Variants in C7 observed in about 807,000 individuals in gnomAD.
C7 encodes the protein complement component C7.
A neutral mutation model predicts 104.8 loss-of-function variants in C7; 83 were observed. The observed-to-expected ratio is 0.79, with a 90% CI of 0.66 to 0.95. C7 has a LOEUF of 0.95. Ranked by LOEUF, C7 falls within the 40% of genes least tolerant of loss-of-function variation. The pLI, the probability that C7 is intolerant of heterozygous loss-of-function variation, is 0.00. For synonymous variants in C7, 415 were observed against 360.6 expected (o/e 1.15, Z -1.71); for missense variants, 1,070 against 1,011.2 (o/e 1.06, Z -0.79).
intron 16 of C7, among the ~76,000 whole-genome samples, chr5:40,978,038 G>A (rs1266628575): frequency 6.6e-6 from 1 of 151,826 alleles, no homozygotes; most frequent in Non-Finnish European, 1.5e-5. Flanking sequence ...GGAGACTGAG[G>A]TGGGAGGATT....
chr5:40,930,863 C>T (rs1739667521), intron 2 of C7, among the ~76,000 whole-genome samples: 1 of 152,006 alleles, frequency 6.6e-6, no homozygotes, highest in African/African-American at 2.4e-5. Flanking sequence ...ACTGTGCCAG[C>T]ATAATAGATG....
At chr5:40,953,022 T>C (rs940747032) in intron 9 of C7, among the ~76,000 whole-genome samples, 2 of 152,150 alleles carry the variant, frequency 1.3e-5, no homozygotes, top group South Asian at 2.1e-4. Context: ...CTCCTGTAGG[T>C]CTTGGTGGGG....
chr5:40,911,825 G>A (rs773990671), intron 1 of C7, among the ~76,000 whole-genome samples: 1 of 149,040 alleles, frequency 6.7e-6, no homozygotes, highest in Non-Finnish European at 1.5e-5. Flanking sequence ...TCCAACTTCC[G>A]CCTCCTGGGT....
At chr5:40,961,555 T>C (rs1418637356) in intron 12 of C7, among the ~76,000 whole-genome samples, 3 of 152,056 alleles carry the variant, frequency 2.0e-5, no homozygotes, top group Non-Finnish European at 4.4e-5. Flanking sequence ...CAGCTAATTT[T>C]TGTAGTTTTA....
chr5:40,942,651 G>C (rs1739963753), intron 6 of C7, among the ~76,000 whole-genome samples: 1 of 151,880 alleles, frequency 6.6e-6, no homozygotes, highest in Non-Finnish European at 1.5e-5. Context: ...TGGGAGGAGG[G>C]AACTGACTAG....
intron 6 of C7, among the ~76,000 whole-genome samples, chr5:40,941,062 C>CTTTT (rs35003828): frequency 7.2e-6 from 1 of 138,928 alleles, no homozygotes; most frequent in Non-Finnish European, 1.6e-5. Context: ...AGGAACACTT[C>CTTTT]TTTTTTTTTT....
intron 7 of C7, among the ~76,000 whole-genome samples, chr5:40,945,652 C>T (rs1740030383): frequency 6.6e-6 from 1 of 151,756 alleles, no homozygotes; most frequent in African/African-American, 2.4e-5. Flanking sequence ...TGAGCTTGAG[C>T]TCAGGAATTT....
In C7 at chr5:40,964,542, T is replaced by TG; in HGVS notation, c.1750-199_1750-198insG. ...ATCAATACATTATAGACAGTGGTAT[T>TG]AATAGTTTTATTTCAATTAATGGTG... is the stretch of plus-strand genomic sequence containing the variant. On this transcript the variant is annotated intron_variant, in intron 13 of 17. Coordinates refer to ENST00000313164, the MANE Select transcript of C7 (RefSeq NM_000587.4). The TG allele has an allele frequency of 4.1e-5, 20 of 491,684 alleles. 1 individual carries two copies. The highest frequency in any genetic ancestry group is 5.6e-5 in the Non-Finnish European group (15 of 268,770). 30.5% of individuals were successfully genotyped at this position (491,684 alleles called of 1,614,324 possible).
chr5:40,972,645 A>G, intron 15 of C7, 51 bp downstream of exon 15: 1 of 1,474,602 alleles, frequency 6.8e-7, no homozygotes, highest in Non-Finnish European at 9.2e-7. Flanking sequence ...GGCAAGTGAG[A>G]GTCCTTGTGG....
chr5:40,925,464 T>G (rs1464829172), intron 1 of C7, among the ~76,000 whole-genome samples: 2 of 152,218 alleles, frequency 1.3e-5, no homozygotes, highest in Non-Finnish European at 2.9e-5. Flanking sequence ...CTGTAAGAAA[T>G]TTCAAGTTTT....
At chr5:40,941,848 G>C (rs1739946525) in intron 6 of C7, among the ~76,000 whole-genome samples, 1 of 152,142 alleles carries the variant, frequency 6.6e-6, no homozygotes, top group African/African-American at 2.4e-5. Flanking sequence ...TGTTTGAGCT[G>C]GAAATAGACA....
At chr5:40,945,078 C>A in intron 6 of C7, 120 bp from the exon 7 acceptor site, 3 of 600,116 alleles carry the variant, frequency 5.0e-6, no homozygotes, top group Non-Finnish European at 8.8e-6. Flanking sequence ...TAATGAGAGT[C>A]ACAGTTGCTT....
chr5:40,912,141 A>T (rs1415413340), intron 1 of C7, among the ~76,000 whole-genome samples: 1 of 152,092 alleles, frequency 6.6e-6, no homozygotes, highest in Non-Finnish European at 1.5e-5. Flanking sequence ...TGTTTGTTCT[A>T]TCTCTCTTGT....
At chr5:40,965,252 G>A (rs753519599) in intron 14 of C7, among the ~76,000 whole-genome samples, 23 of 152,190 alleles carry the variant, frequency 1.5e-4, no homozygotes, top group Non-Finnish European at 3.1e-4. Context: ...CTGAATAACA[G>A]CATCTGCATG....
intron 7 of C7, 100 bp from the exon 8 acceptor site, chr5:40,947,498 GTTGA>G: frequency 7.8e-7 from 1 of 1,284,136 alleles, no homozygotes; most frequent in South Asian, 1.3e-5. Context: ...TGTAGTCTTG[GTTGA>G]TTGGAGATGA....
chr5:40,914,922 T>TC (rs1433974077), intron 1 of C7, among the ~76,000 whole-genome samples: 23 of 152,184 alleles, frequency 1.5e-4, no homozygotes. Context: ...TGTGCAGGGA[T>TC]CCCATGGCCC....
intron 14 of C7, among the ~76,000 whole-genome samples, chr5:40,968,139 C>CT (rs1038534241): frequency 2.0e-5 from 3 of 150,682 alleles, no homozygotes; most frequent in Admixed American, 6.6e-5. Context: ...TTTTCTTTTT[C>CT]TTTTTTTTAT....
chr5:40,950,628 C>A (rs1365248816), intron 9 of C7, among the ~76,000 whole-genome samples: 3 of 152,164 alleles, frequency 2.0e-5, no homozygotes, highest in Admixed American at 1.3e-4. Flanking sequence ...CTCTCTCTTT[C>A]ATGTGTCAAG....
At chr5:40,959,389 G>A (rs1326038986) in intron 11 of C7, 60 bp from the exon 12 acceptor site, 9 of 1,455,600 alleles carry the variant, frequency 6.2e-6, no homozygotes, top group Non-Finnish European at 7.5e-6. Context: ...AGGAAGCATA[G>A]CACTAAGTTC....
Sources: allele counts gnomAD v4.1 joint callset (sites outside exome capture counted in the v4.1 genomes callset), GRCh38; gene constraint gnomAD v4.1.1; transcripts MANE v1.5; gene names NCBI Gene and HGNC (gene_info 2026-07-23, HGNC 2026-07-21).